Variants in BBS9 observed in about 807,000 individuals in gnomAD.
BBS9 encodes Bardet-Biedl syndrome 9.
Under a neutral mutation model 117.7 loss-of-function variants are expected in BBS9, and 89 were observed. The ratio of observed to expected loss-of-function variants is 0.76; its 90% CI spans 0.64 to 0.90. BBS9 has a LOEUF of 0.90. BBS9 is among the 40% of genes least tolerant of loss of function. The pLI is 0.00. For missense variants in BBS9, 982 were observed against 1,042.2 expected, an observed-to-expected ratio of 0.94 and a Z score of 0.80; for synonymous variants, 379 against 370.9, an observed-to-expected ratio of 1.02 and a Z score of -0.25.
chr7:33,441,045 C>G (rs770816654), intron 19 of BBS9, among the ~76,000 whole-genome samples: 2 of 151,816 alleles, frequency 1.3e-5, no homozygotes, highest in African/African-American at 4.8e-5. Context: ...GTGCATTTTC[C>G]GAACACTTCA....
chr7:33,292,618 T>C (rs73099229), intron 9 of BBS9, among the ~76,000 whole-genome samples: 426 of 152,340 alleles, frequency 2.8e-3, no homozygotes, highest in Admixed American at 5.1e-3. Flanking sequence ...CTTAGATCCA[T>C]ATATAATTAA....
At chr7:33,520,114 T>G (rs1848390986) in intron 20 of BBS9, among the ~76,000 whole-genome samples, 1 of 151,978 alleles carries the variant, frequency 6.6e-6, no homozygotes, top group East Asian at 1.9e-4. Flanking sequence ...GTTTAAGCGA[T>G]TCTCCTGCCT....
chr7:33,229,604 C>A (rs1791941562), intron 5 of BBS9, among the ~76,000 whole-genome samples: 1 of 152,068 alleles, frequency 6.6e-6, no homozygotes, highest in Non-Finnish European at 1.5e-5. Flanking sequence ...TATAGTAATA[C>A]AATAATAATA....
intron 19 of BBS9, among the ~76,000 whole-genome samples, chr7:33,492,811 A>AGAGTGTGT (rs779723867): frequency 7.6e-6 from 1 of 131,670 alleles, no homozygotes; most frequent in African/African-American, 3.0e-5. Flanking sequence ...TATAGGAGTG[A>AGAGTGTGT]GTGTGTGTGT....
chr7:33,499,947 C>T (rs1415006682), intron 19 of BBS9, among the ~76,000 whole-genome samples: 1 of 151,970 alleles, frequency 6.6e-6, no homozygotes, highest in Non-Finnish European at 1.5e-5. Context: ...TGAATCATCC[C>T]CTTGAAAAAA....
chr7:33,626,031 T>C (rs1338251664), intron 21 of BBS9, among the ~76,000 whole-genome samples: 1 of 152,188 alleles, frequency 6.6e-6, no homozygotes, highest in East Asian at 1.9e-4. Context: ...TAAATTCACA[T>C]TGAATTGTAA....
intron 5 of BBS9, among the ~76,000 whole-genome samples, chr7:33,222,200 T>C (rs1328718181): frequency 2.0e-5 from 3 of 152,218 alleles, no homozygotes; most frequent in Admixed American, 6.5e-5. Flanking sequence ...TGACTGTTGA[T>C]AGAAATGATA....
intron 21 of BBS9, among the ~76,000 whole-genome samples, chr7:33,632,570 C>T (rs1347660360): frequency 1.3e-5 from 2 of 152,098 alleles, no homozygotes; most frequent in Admixed American, 1.3e-4. Flanking sequence ...CCTCTGGGTT[C>T]GCCGGATCCT....
At chr7:33,240,483 G>A (rs574624772) in intron 5 of BBS9, among the ~76,000 whole-genome samples, 3 of 152,050 alleles carry the variant, frequency 2.0e-5, no homozygotes, top group Admixed American at 6.5e-5. Context: ...CTTGAACTTG[G>A]CTCAAGCAAT....
chr7:33,285,327 G>A (rs1228532699), intron 9 of BBS9, among the ~76,000 whole-genome samples: 1 of 152,098 alleles, frequency 6.6e-6, no homozygotes, highest in Admixed American at 6.5e-5. Context: ...AAAGAGGAGA[G>A]CTTTGGTTTA....
In BBS9 at chr7:33,533,411, A is replaced by G. The variant is rs114506756; in HGVS notation, c.2299-543A>G. Among the ~76,000 whole-genome samples, 649 of 152,290 alleles carry G rather than the reference A, an allele frequency of 4.3e-3. 4 individuals are homozygous for G. The highest frequency in any genetic ancestry group is 0.015 in the African/African-American group (629 of 41,572). On this transcript the variant is annotated intron_variant, in intron 20 of 22. Transcript: ENST00000242067. ...TGTGTCTCACACGATCCTTCTTGCAATAGCTCCTTTGTTTCTGCCTATAAC... is the reference window on the plus strand; with the variant it reads ...TGTGTCTCACACGATCCTTCTTGCAGTAGCTCCTTTGTTTCTGCCTATAAC...
intron 18 of BBS9, among the ~76,000 whole-genome samples, chr7:33,384,122 C>T (rs1047759901): frequency 5.9e-5 from 9 of 152,182 alleles, no homozygotes; most frequent in African/African-American, 1.7e-4. Flanking sequence ...CCCCAATAAC[C>T]CAGTGTTAAA....
chr7:33,509,899 G>A (rs151296944), intron 20 of BBS9, among the ~76,000 whole-genome samples: 5 of 152,232 alleles, frequency 3.3e-5, no homozygotes, highest in Admixed American at 2.0e-4. Context: ...AGAATTAATC[G>A]TTGTCTGTGA....
At chr7:33,287,332 T>A (rs1022673210) in intron 9 of BBS9, among the ~76,000 whole-genome samples, 3 of 152,188 alleles carry the variant, frequency 2.0e-5, no homozygotes, top group African/African-American at 7.2e-5. Context: ...TTTAAAAACC[T>A]TAGTAAATCC....
intron 19 of BBS9, 135 bp downstream of exon 19, chr7:33,388,279 T>C (rs1283806825): frequency 2.7e-6 from 3 of 1,096,660 alleles, no homozygotes; most frequent in Non-Finnish European, 4.0e-6. Context: ...TGCACAAGCT[T>C]TAGAGTCAGA....
At chr7:33,212,957 A>C (rs1333131809) in intron 5 of BBS9, among the ~76,000 whole-genome samples, 2 of 152,146 alleles carry the variant, frequency 1.3e-5, no homozygotes, top group Non-Finnish European at 2.9e-5. Flanking sequence ...GTGTTGGGTC[A>C]GCCCTGAAGC....
chr7:33,347,314 ATAG>A (rs1257643383), intron 12 of BBS9, among the ~76,000 whole-genome samples: 1 of 152,022 alleles, frequency 6.6e-6, no homozygotes, highest in Admixed American at 6.6e-5. Flanking sequence ...TATTATTATA[ATAG>A]TAGAATATTT....
intron 5 of BBS9, among the ~76,000 whole-genome samples, chr7:33,245,115 A>G (rs2128290539): frequency 6.6e-6 from 1 of 152,276 alleles, no homozygotes; most frequent in Non-Finnish European, 1.5e-5. Flanking sequence ...TAAGGGATCT[A>G]AGGATCATTC....
At chr7:33,359,570 G>T (rs554454426) in intron 16 of BBS9, among the ~76,000 whole-genome samples, 1 of 152,024 alleles carries the variant, frequency 6.6e-6, no homozygotes, top group African/African-American at 2.4e-5. Flanking sequence ...ATATAGAGTG[G>T]TTTTTAAAAA....
Sources: gnomAD v4.1 joint callset for allele counts (sites outside exome capture counted in the v4.1 genomes callset) on GRCh38, gnomAD v4.1.1 for gene constraint, MANE v1.5 for transcripts, NCBI Gene and HGNC (gene_info 2026-07-23, HGNC 2026-07-21) for gene names.